Variants in TAS2R1 observed in about 807,000 individuals in gnomAD.
The protein encoded by TAS2R1 is taste receptor type 2 member 1.
For synonymous variants in TAS2R1, 141 were observed against 134.2 expected (o/e 1.05, Z -0.35); for missense variants, 370 against 353.4 (o/e 1.05, Z -0.38).
the TAS2R1 span, among the ~76,000 whole-genome samples, chr5:9,871,622 G>T: frequency 6.6e-6 from 1 of 152,142 alleles, no homozygotes; most frequent in East Asian, 1.9e-4. Flanking sequence ...TCTACAGGAG[G>T]AATTTTACCC....
the TAS2R1 span, among the ~76,000 whole-genome samples, chr5:9,728,917 C>T: frequency 6.6e-6 from 1 of 152,184 alleles, no homozygotes; most frequent in South Asian, 2.1e-4. Flanking sequence ...TTGTTCAGGA[C>T]TGAAGAGGCT....
the TAS2R1 span, among the ~76,000 whole-genome samples, chr5:9,860,007 C>A: frequency 6.6e-6 from 1 of 152,216 alleles, no homozygotes; most frequent in Non-Finnish European, 1.5e-5. Flanking sequence ...AATATCTTAT[C>A]TGACAGGTTG....
At chr5:9,895,111 G>C in the TAS2R1 span, among the ~76,000 whole-genome samples, 84,576 of 151,950 alleles carry the variant, frequency 0.56, 25,461 homozygotes, top group African/African-American at 0.81. Flanking sequence ...TATACCAAAG[G>C]CCTCGGCTTT....
chr5:9,651,006 G>T (rs924177555), intron 2 of TAS2R1, among the ~76,000 whole-genome samples: 9 of 152,130 alleles, frequency 5.9e-5, no homozygotes, highest in Non-Finnish European at 1.3e-4. Context: ...CTGAAGATTG[G>T]CAGGGAAGTA....
chr5:9,742,249 T>G, the TAS2R1 span, among the ~76,000 whole-genome samples: 4 of 152,180 alleles, frequency 2.6e-5, no homozygotes, highest in Admixed American at 2.6e-4. Flanking sequence ...ACAGATGATT[T>G]GCAAAGAATA....
upstream of TAS2R1, among the ~76,000 whole-genome samples, chr5:9,712,869 A>G (rs1734715839): frequency 6.6e-6 from 1 of 151,674 alleles, no homozygotes; most frequent in African/African-American, 2.4e-5. Context: ...AACAAGTGGG[A>G]AAGACAGATC....
At chr5:9,779,681 T>C in the TAS2R1 span, among the ~76,000 whole-genome samples, 9 of 152,152 alleles carry the variant, frequency 5.9e-5, no homozygotes, top group Non-Finnish European at 1.2e-4. Context: ...GATAGTAACA[T>C]CAAAGATCAC....
chr5:9,884,399 A>T, the TAS2R1 span, among the ~76,000 whole-genome samples: 1 of 150,098 alleles, frequency 6.7e-6, no homozygotes, highest in Non-Finnish European at 1.5e-5. Flanking sequence ...GCATGAACCC[A>T]GGAGGCAGAG....
chr5:9,756,761 G>A, the TAS2R1 span, among the ~76,000 whole-genome samples: 2 of 152,164 alleles, frequency 1.3e-5, no homozygotes, highest in South Asian at 4.1e-4. Context: ...GCAAGGCAAA[G>A]TCGAAAGGGT....
chr5:9,861,000 T>C, the TAS2R1 span, among the ~76,000 whole-genome samples: 1 of 146,776 alleles, frequency 6.8e-6, no homozygotes, highest in Non-Finnish European at 1.5e-5. Flanking sequence ...GCATAGAAGT[T>C]GCAAACTGAC....
chr5:9,836,998 G>A, the TAS2R1 span, among the ~76,000 whole-genome samples: 1 of 152,168 alleles, frequency 6.6e-6, no homozygotes, highest in Non-Finnish European at 1.5e-5. Flanking sequence ...TATGCAGATG[G>A]AAGTGGCTCT....
the TAS2R1 span, among the ~76,000 whole-genome samples, chr5:9,741,306 A>C: frequency 7.2e-5 from 11 of 152,076 alleles, no homozygotes; most frequent in Admixed American, 5.9e-4. Flanking sequence ...ATCCAAAGAA[A>C]TTAAGAGATT....
chr5:9,704,290 C>T (rs1741555249), intron 1 of TAS2R1, among the ~76,000 whole-genome samples: 1 of 151,978 alleles, frequency 6.6e-6, no homozygotes, highest in Non-Finnish European at 1.5e-5. Context: ...AAAAGTTACA[C>T]CTCCCCCAGA....
At chr5:9,702,430 A>G (rs1741507123) in intron 1 of TAS2R1, among the ~76,000 whole-genome samples, 1 of 152,170 alleles carries the variant, frequency 6.6e-6, no homozygotes, top group Non-Finnish European at 1.5e-5. Flanking sequence ...CCTAAAATGC[A>G]CAGGACAGCC....
chr5:9,874,822 T>C, the TAS2R1 span, among the ~76,000 whole-genome samples: 1 of 152,164 alleles, frequency 6.6e-6, no homozygotes, highest in African/African-American at 2.4e-5. Context: ...GAAAGATCTT[T>C]GTAGACCACA....
At chr5:9,723,817 T>G in the TAS2R1 span, among the ~76,000 whole-genome samples, 1 of 152,204 alleles carries the variant, frequency 6.6e-6, no homozygotes, top group Non-Finnish European at 1.5e-5. Flanking sequence ...CAGCTGCTCT[T>G]TGCTCTCTTA....
At chr5:9,681,555 C>T (rs1740997258) in intron 1 of TAS2R1, among the ~76,000 whole-genome samples, 1 of 96,744 alleles carries the variant, frequency 1.0e-5, no homozygotes, top group Admixed American at 1.2e-4. Context: ...AAAAAAGATG[C>T]CCTCCCACAA....
chr5:9,849,168 G>T, the TAS2R1 span, among the ~76,000 whole-genome samples: 1 of 152,290 alleles, frequency 6.6e-6, no homozygotes, highest in Non-Finnish European at 1.5e-5. Context: ...CCTGGGATCC[G>T]AACTGAAAAG....
chr5:9,804,259 C>G, the TAS2R1 span, among the ~76,000 whole-genome samples: 11 of 152,070 alleles, frequency 7.2e-5, no homozygotes, highest in Non-Finnish European at 1.5e-4. Flanking sequence ...CCCTGCTAGA[C>G]CTAAGAAATG....
Sources: gnomAD v4.1 joint callset for allele counts (sites outside exome capture counted in the v4.1 genomes callset) on GRCh38, gnomAD v4.1.1 for gene constraint, MANE v1.5 for transcripts, NCBI Gene and HGNC (gene_info 2026-07-23, HGNC 2026-07-21) for gene names.